Variants in RNF185 observed in about 807,000 individuals in gnomAD.
RNF185 encodes the protein ring finger protein 185, also known as E3 ubiquitin-protein ligase RNF185.
In RNF185, 13 loss-of-function variants were observed where a neutral mutation model predicts 24.9. The observed-to-expected ratio is 0.52, with a 90% CI of 0.34 to 0.83. The LOEUF (loss-of-function observed/expected upper bound fraction) is 0.83, where lower values mean the gene tolerates loss of function less well. Among genes scored for constraint, RNF185 ranks in the 40% least tolerant of loss-of-function variants. The probability of loss-of-function intolerance (pLI) is 0.01; values close to 1 mark genes in which losing one functional copy is unlikely to be tolerated. For missense variants in RNF185, 184 were observed against 244.7 expected (o/e 0.75, Z 1.65); for synonymous variants, 79 against 90.3 (o/e 0.88, Z 0.71).
intron 6 of RNF185, 123 bp from the exon 7 acceptor site, chr22:31,204,366 T>TTG (rs1568975266): frequency 2.9e-6 from 2 of 680,804 alleles, no homozygotes; most frequent in African/African-American, 3.6e-5. Context: ...AGAAATCTTT[T>TTG]TGTGTGTAGG....
At chr22:31,200,656 A>G (rs1451250497) in intron 5 of RNF185, among the ~76,000 whole-genome samples, 2 of 152,194 alleles carry the variant, frequency 1.3e-5, no homozygotes, top group African/African-American at 4.8e-5. Flanking sequence ...ATGGAAAGAA[A>G]ACTGAGGGTG....
intron 1 of RNF185, among the ~76,000 whole-genome samples, chr22:31,161,083 A>G (rs987948038): frequency 9.2e-5 from 14 of 152,214 alleles, no homozygotes; most frequent in African/African-American, 2.9e-4. Context: ...AAAAATTGAA[A>G]ATACTGTTAC....
chr22:31,176,947 C>T (rs1568963010), intron 1 of RNF185, among the ~76,000 whole-genome samples: 1 of 152,134 alleles, frequency 6.6e-6, no homozygotes, highest in Admixed American at 6.6e-5. Context: ...GAAAAAGAGA[C>T]GTTAAAATCA....
chr22:31,168,703 T>A (rs1924091043), intron 1 of RNF185, among the ~76,000 whole-genome samples: 1 of 152,320 alleles, frequency 6.6e-6, no homozygotes, highest in South Asian at 2.1e-4. Flanking sequence ...GGGGTTCTAT[T>A]TCTCTACATC....
At chr22:31,195,638 C>T (rs2048199018) in intron 4 of RNF185, 57 bp downstream of exon 4, 25 of 1,104,074 alleles carry the variant, frequency 2.3e-5, no homozygotes, top group Non-Finnish European at 3.4e-5. Flanking sequence ...GAATTCACTC[C>T]CATTCAGCAT....
At chr22:31,191,173 G>A (rs114687230) in intron 2 of RNF185, among the ~76,000 whole-genome samples, 10,790 of 151,964 alleles carry the variant, frequency 0.071, 1,271 homozygotes, top group African/African-American at 0.25. Context: ...AATGGTCGTT[G>A]TTATAAAGCC....
In RNF185 at chr22:31,205,352, A is replaced by G. The variant is rs1353888786; in HGVS notation, c.*766A>G. The G allele has an allele frequency of 3.0e-5, 5 of 168,158 alleles. 1 individual carries two copies. In the Admixed American group the frequency reaches 3.3e-4, roughly 11 times the overall value. 10.4% of individuals were successfully genotyped at this position (168,158 alleles called of 1,614,324 possible). A position where few individuals can be genotyped will look rare whatever the true frequency, so the allele number is the denominator to read the frequency against. The stretch of plus-strand genomic sequence containing the variant: ...TCCCATCAGCTTTCTCCCTAAAACT[A>G]TGTTCATCTGCCTCTCTCTGCCAGA... On this transcript the variant is annotated 3_prime_UTR_variant, in exon 7 of 7. Coordinates refer to ENST00000326132, the MANE Select transcript of RNF185 (RefSeq NM_152267.4).
At chr22:31,188,986 T>C (rs913350085) in intron 2 of RNF185, among the ~76,000 whole-genome samples, 1 of 127,798 alleles carries the variant, frequency 7.8e-6, no homozygotes, top group African/African-American at 2.9e-5. Context: ...ATTAGCCGGG[T>C]GTGGTGGAGT....
intron 2 of RNF185, among the ~76,000 whole-genome samples, chr22:31,187,666 C>T (rs767285548): frequency 3.3e-5 from 5 of 152,152 alleles, no homozygotes; most frequent in Non-Finnish European, 7.3e-5. Flanking sequence ...ACACATTCTG[C>T]CTCATTTTAC....
chr22:31,189,845 C>T (rs146598010), intron 2 of RNF185, among the ~76,000 whole-genome samples: 2 of 152,244 alleles, frequency 1.3e-5, no homozygotes, highest in African/African-American at 4.8e-5. Flanking sequence ...CTGCCCGCCT[C>T]GGCCTCCCAT....
intron 1 of RNF185, among the ~76,000 whole-genome samples, chr22:31,185,687 A>G (rs1313152007): frequency 1.3e-5 from 2 of 152,120 alleles, no homozygotes; most frequent in South Asian, 2.1e-4. Context: ...AACATTTCCT[A>G]CTTGGAATTT....
intron 1 of RNF185, among the ~76,000 whole-genome samples, chr22:31,161,899 A>G (rs993558740): frequency 1.0e-5 from 1 of 99,996 alleles, no homozygotes; most frequent in Non-Finnish European, 2.1e-5. Flanking sequence ...TTTTTTGAGT[A>G]TTTAGTAGAG....
At chr22:31,192,048 T>TAACC (rs1319803540) in intron 2 of RNF185, among the ~76,000 whole-genome samples, 1 of 152,066 alleles carries the variant, frequency 6.6e-6, no homozygotes, top group Non-Finnish European at 1.5e-5. Context: ...AAGCTGAAGG[T>TAACC]AACCCTTTCT....
At chr22:31,180,325 G>T (rs1025576355) in intron 1 of RNF185, among the ~76,000 whole-genome samples, 1 of 152,032 alleles carries the variant, frequency 6.6e-6, no homozygotes, top group Non-Finnish European at 1.5e-5. Context: ...TTAGCTGGGC[G>T]TGGTGGTGGG....
intron 1 of RNF185, among the ~76,000 whole-genome samples, chr22:31,185,073 C>T (rs1449793150): frequency 6.7e-6 from 1 of 148,954 alleles, no homozygotes; most frequent in Non-Finnish European, 1.5e-5. Context: ...TAATGTGGCC[C>T]TCAAAAGTGG....
intron 4 of RNF185, 140 bp from the exon 5 acceptor site, chr22:31,196,796 G>T: frequency 9.2e-7 from 1 of 1,092,650 alleles, no homozygotes; most frequent in Non-Finnish European, 1.3e-6. Flanking sequence ...CGTATTTGGA[G>T]AATTAATCTG....
chr22:31,203,160 T>C (rs914553284), intron 6 of RNF185, among the ~76,000 whole-genome samples: 4 of 152,218 alleles, frequency 2.6e-5, no homozygotes, highest in Admixed American at 2.0e-4. Flanking sequence ...TTTATCCCCC[T>C]GCCACAGTCA....
intron 1 of RNF185, among the ~76,000 whole-genome samples, chr22:31,161,573 G>GT (rs1313562807): frequency 2.0e-5 from 3 of 152,214 alleles, no homozygotes; most frequent in South Asian, 2.1e-4. Context: ...CCCACCCCAT[G>GT]GGTTAGTAGC....
chr22:31,191,275 T>C (rs1442838026), intron 2 of RNF185, among the ~76,000 whole-genome samples: 1 of 152,196 alleles, frequency 6.6e-6, no homozygotes, highest in Admixed American at 6.5e-5. Context: ...TGATTTGGGG[T>C]TATTCTCCAC....
Sources: gnomAD v4.1 joint callset for allele counts (sites outside exome capture counted in the v4.1 genomes callset) on GRCh38, gnomAD v4.1.1 for gene constraint, MANE v1.5 for transcripts, NCBI Gene and HGNC (gene_info 2026-07-23, HGNC 2026-07-21) for gene names.